The following WDR41 variants were observed in gnomAD, a reference collection of about 807,000 sequenced individuals.
The protein encoded by WDR41 is WD repeat domain 41.
Under a neutral mutation model 69.3 loss-of-function variants are expected in WDR41, and 63 were observed. The observed-to-expected ratio is 0.91, with a 90% CI of 0.74 to 1.12. The LOEUF (loss-of-function observed/expected upper bound fraction) is 1.12. WDR41 is among the 50% of genes most tolerant of loss of function. The pLI, the probability that WDR41 is intolerant of heterozygous loss-of-function variation, is 0.00. For missense variants in WDR41, 543 were observed against 534.5 expected (o/e 1.02, Z -0.16); for synonymous variants, 185 against 192.1 (o/e 0.96, Z 0.31).
chr5:77,514,640 G>A (rs1314638138), intron 1 of WDR41, among the ~76,000 whole-genome samples: 2 of 152,122 alleles, frequency 1.3e-5, no homozygotes, highest in East Asian at 1.9e-4. Flanking sequence ...TAATGATAGC[G>A]ACACATTCTG....
chr5:77,500,401 T>C (rs574785136), intron 1 of WDR41, among the ~76,000 whole-genome samples: 61 of 152,060 alleles, frequency 4.0e-4, no homozygotes, highest in Middle Eastern at 3.4e-3. Flanking sequence ...AAGCTGGTGT[T>C]TAAAAAGATC....
chr5:77,552,696 C>T (rs927745641), intron 1 of WDR41, among the ~76,000 whole-genome samples: 28 of 152,240 alleles, frequency 1.8e-4, no homozygotes, highest in African/African-American at 6.7e-4. Context: ...GAGGGGTAGA[C>T]ACATGAATCA....
intron 1 of WDR41, chr5:77,499,419 C>G (rs1195920046): frequency 3.9e-5 from 6 of 152,182 alleles, no homozygotes; most frequent in African/African-American, 1.4e-4. Context: ...CCTTTTTGTC[C>G]ATTCTCTTAT....
chr5:77,450,177 C>G (rs979026791), intron 7 of WDR41, among the ~76,000 whole-genome samples: 3 of 152,176 alleles, frequency 2.0e-5, no homozygotes, highest in African/African-American at 7.2e-5. Context: ...TCTCAACTCA[C>G]TCCCTCCCTA....
At chr5:77,526,101 T>C (rs945771084) in intron 1 of WDR41, among the ~76,000 whole-genome samples, 2 of 152,210 alleles carry the variant, frequency 1.3e-5, no homozygotes, top group Non-Finnish European at 1.5e-5. Flanking sequence ...ATTTTAACTA[T>C]ACACTAAAAT....
At chr5:77,523,867 A>G (rs567627619) in intron 1 of WDR41, among the ~76,000 whole-genome samples, 2 of 152,334 alleles carry the variant, frequency 1.3e-5, no homozygotes, top group African/African-American at 4.8e-5. Flanking sequence ...AATGAGAAAG[A>G]AAAAAGCCAG....
At chr5:77,515,627 C>T (rs902939497) in intron 1 of WDR41, among the ~76,000 whole-genome samples, 1 of 152,100 alleles carries the variant, frequency 6.6e-6, no homozygotes, top group African/African-American at 2.4e-5. Context: ...TATATGACTG[C>T]TTTGTTTACA....
intron 1 of WDR41, among the ~76,000 whole-genome samples, chr5:77,570,216 T>C (rs1194109716): frequency 3.3e-5 from 5 of 152,032 alleles, no homozygotes; most frequent in African/African-American, 1.2e-4. Context: ...CTGATTTCCC[T>C]CAGGTTCTCC....
intron 1 of WDR41, among the ~76,000 whole-genome samples, chr5:77,618,483 C>T (rs931355784): frequency 6.6e-6 from 1 of 152,112 alleles, no homozygotes; most frequent in Non-Finnish European, 1.5e-5. Flanking sequence ...AGTGATTCTC[C>T]TGCCTCAGCC....
intron 1 of WDR41, among the ~76,000 whole-genome samples, chr5:77,605,022 G>A (rs912622229): frequency 3.9e-5 from 6 of 152,224 alleles, no homozygotes; most frequent in African/African-American, 1.2e-4. Context: ...GGAGAATTTC[G>A]GTATGGGGGC....
At chr5:77,458,964 A>G (rs1799935050) in intron 5 of WDR41, 98 bp downstream of exon 5, 9 of 832,236 alleles carry the variant, frequency 1.1e-5, no homozygotes, top group South Asian at 1.8e-5. Flanking sequence ...GAAATAATTC[A>G]TAAGACCCAC....
chr5:77,551,985 TAAA>T (rs1424544397), intron 1 of WDR41, among the ~76,000 whole-genome samples: 4 of 4,556 alleles, frequency 8.8e-4, no homozygotes, highest in Non-Finnish European at 1.8e-3. Flanking sequence ...TCTCAAAAAA[TAAA>T]ATAAAATAAA....
intron 1 of WDR41, among the ~76,000 whole-genome samples, chr5:77,510,495 T>A (rs966919425): frequency 3.3e-5 from 5 of 152,132 alleles, no homozygotes; most frequent in Non-Finnish European, 5.9e-5. Flanking sequence ...AAAATTATGG[T>A]TCTGCCCAAC....
At chr5:77,441,028 G>T in intron 8 of WDR41, 31 bp from the exon 9 acceptor site, 1 of 1,605,352 alleles carries the variant, frequency 6.2e-7, no homozygotes, top group Admixed American at 1.7e-5. Flanking sequence ...CCTCATTATC[G>T]ATCATTTTAT....
rs144551831 is a variant in WDR41 at position 77,606,242 on chromosome 5, T to A, written c.42+14237A>T. 2.8e-3 allele frequency among the ~76,000 whole-genome samples: 425 copies of A among 152,238 alleles called. 4 individuals carry two copies. The highest frequency in any genetic ancestry group is 2.6e-3 in the Non-Finnish European group (175 of 68,008). ...AACTAGTGCCAGAAAACCTCATCCA[T>A]CCATTCATTTAACGCATGGAGCCAG... On this transcript the variant is annotated intron_variant, in intron 1 of 5. Coordinates refer to the WDR41 transcript ENST00000509971.
At chr5:77,617,943 G>T (rs539061446) in intron 1 of WDR41, among the ~76,000 whole-genome samples, 1 of 152,324 alleles carries the variant, frequency 6.6e-6, no homozygotes, top group South Asian at 2.1e-4. Flanking sequence ...CCAGTCATGG[G>T]CTGCAGAGGG....
intron 1 of WDR41, among the ~76,000 whole-genome samples, chr5:77,609,099 G>T (rs886719717): frequency 6.6e-6 from 1 of 152,206 alleles, no homozygotes; most frequent in African/African-American, 2.4e-5. Context: ...GCGAGGCTGG[G>T]GGAGGGGCAC....
At chr5:77,437,264 T>C (rs900573056) in intron 11 of WDR41, 72 bp downstream of exon 11, 16 of 1,240,140 alleles carry the variant, frequency 1.3e-5, no homozygotes, top group Non-Finnish European at 1.9e-5. Flanking sequence ...TTTCACATAA[T>C]TGTCCTTCTC....
chr5:77,583,918 C>CA (rs1210143879), intron 1 of WDR41, among the ~76,000 whole-genome samples: 1 of 152,072 alleles, frequency 6.6e-6, no homozygotes, highest in Non-Finnish European at 1.5e-5. Flanking sequence ...AGATTAATCC[C>CA]AAAAATGCAA....
Sources: allele counts gnomAD v4.1 joint callset (sites outside exome capture counted in the v4.1 genomes callset), GRCh38; gene constraint gnomAD v4.1.1; transcripts MANE v1.5; gene names NCBI Gene and HGNC (gene_info 2026-07-23, HGNC 2026-07-21).